The following BMAL1 variants were observed in gnomAD, a reference collection of about 807,000 sequenced individuals.
BMAL1 encodes the protein basic helix-loop-helix ARNT-like protein 1.
At chr11:13,306,338 G>T in the BMAL1 span, among the ~76,000 whole-genome samples, 1 of 152,184 alleles carries the variant, frequency 6.6e-6, no homozygotes, top group Non-Finnish European at 1.5e-5. Flanking sequence ...GGTCCTGGCC[G>T]TGACAGTAGA....
At chr11:13,385,303 C>G in the BMAL1 span, among the ~76,000 whole-genome samples, 1 of 152,210 alleles carries the variant, frequency 6.6e-6, no homozygotes, top group Non-Finnish European at 1.5e-5. Flanking sequence ...GTTAACTCCA[C>G]TTTTTCTTCT....
chr11:13,308,550 C>T, the BMAL1 span, among the ~76,000 whole-genome samples: 7 of 151,960 alleles, frequency 4.6e-5, no homozygotes, highest in Admixed American at 6.6e-5. Flanking sequence ...GTGAGGTGGG[C>T]GGAAAACCAG....
chr11:13,310,774 A>C, the BMAL1 span, among the ~76,000 whole-genome samples: 1 of 152,254 alleles, frequency 6.6e-6, no homozygotes, highest in Non-Finnish European at 1.5e-5. Flanking sequence ...GCTAAGGCAC[A>C]TAGACTTTAT....
chr11:13,351,846 GGAGA>G, the BMAL1 span, among the ~76,000 whole-genome samples: 1 of 152,198 alleles, frequency 6.6e-6, no homozygotes, highest in Non-Finnish European at 1.5e-5. Flanking sequence ...GGAATGATGG[GGAGA>G]GAATCTGTTT....
chr11:13,318,041 T>C, the BMAL1 span, among the ~76,000 whole-genome samples: 1 of 152,248 alleles, frequency 6.6e-6, no homozygotes, highest in Non-Finnish European at 1.5e-5. Context: ...CCTGGGCCCG[T>C]CTTCCTTGTG....
the BMAL1 span, among the ~76,000 whole-genome samples, chr11:13,295,677 C>T: frequency 2.0e-5 from 3 of 152,312 alleles, no homozygotes; most frequent in South Asian, 2.1e-4. Flanking sequence ...TCTGTACTTC[C>T]CCAGGTGAAT....
the BMAL1 span, among the ~76,000 whole-genome samples, chr11:13,314,036 G>C: frequency 6.6e-6 from 1 of 151,930 alleles, no homozygotes; most frequent in African/African-American, 2.4e-5. Context: ...ACCCTCTTGG[G>C]AACTCAACTC....
At chr11:13,367,968 C>T in the BMAL1 span, among the ~76,000 whole-genome samples, 6 of 152,308 alleles carry the variant, frequency 3.9e-5, no homozygotes, top group East Asian at 1.2e-3. Flanking sequence ...CCAAGCTGTC[C>T]ACGTTAATCC....
the BMAL1 span, among the ~76,000 whole-genome samples, chr11:13,357,901 C>T: frequency 6.6e-6 from 1 of 152,292 alleles, no homozygotes; most frequent in Non-Finnish European, 1.5e-5. The surrounding 1 kb of genome is among the most constrained non-coding windows in gnomAD (Gnocchi z 4.8). Context: ...ATCTGCTGCA[C>T]CTAGGTGGGG....
chr11:13,337,994 G>GA, the BMAL1 span, among the ~76,000 whole-genome samples: 3 of 151,662 alleles, frequency 2.0e-5, no homozygotes, highest in Admixed American at 6.6e-5. Context: ...TGACTAGCAT[G>GA]AAAAAAAAGC....
the BMAL1 span, among the ~76,000 whole-genome samples, chr11:13,294,612 C>G: frequency 2.0e-4 from 31 of 152,296 alleles, 1 homozygote; most frequent in East Asian, 5.8e-3. Context: ...TTCTGGAAAT[C>G]AAGAAACAAG....
chr11:13,321,165 T>C, the BMAL1 span, among the ~76,000 whole-genome samples: 1 of 152,356 alleles, frequency 6.6e-6, no homozygotes, highest in South Asian at 2.1e-4. Flanking sequence ...CTTTATACTT[T>C]AGTAAGTCCT....
the BMAL1 span, among the ~76,000 whole-genome samples, chr11:13,301,878 A>G: frequency 1.3e-5 from 2 of 152,252 alleles, no homozygotes; most frequent in African/African-American, 2.4e-5. Flanking sequence ...ATAGCAAGGA[A>G]TTAATTGCCC....
At chr11:13,371,991 G>A in the BMAL1 span, among the ~76,000 whole-genome samples, 1 of 152,164 alleles carries the variant, frequency 6.6e-6, no homozygotes, top group Non-Finnish European at 1.5e-5. Context: ...CTGGATGACA[G>A]TTTGTTTCTC....
At chr11:13,329,551 G>A in the BMAL1 span, among the ~76,000 whole-genome samples, 1 of 152,188 alleles carries the variant, frequency 6.6e-6, no homozygotes, top group African/African-American at 2.4e-5. Flanking sequence ...AGCCCATTTT[G>A]CTCCATTGCT....
the BMAL1 span, among the ~76,000 whole-genome samples, chr11:13,293,720 T>C: frequency 6.6e-6 from 1 of 152,252 alleles, no homozygotes; most frequent in Non-Finnish European, 1.5e-5. Flanking sequence ...AGCTCCTTAC[T>C]GGGTAGCACA....
At chr11:13,318,279 T>C in the BMAL1 span, among the ~76,000 whole-genome samples, 2 of 152,230 alleles carry the variant, frequency 1.3e-5, no homozygotes, top group Non-Finnish European at 2.9e-5. Flanking sequence ...ACTTGCTAAG[T>C]TGTCATTCTT....
chr11:13,364,440 G>A, the BMAL1 span, among the ~76,000 whole-genome samples: 1 of 152,286 alleles, frequency 6.6e-6, no homozygotes, highest in South Asian at 2.1e-4. Context: ...ACCACATCAT[G>A]AAGGCCCTTT....
the BMAL1 span, among the ~76,000 whole-genome samples, chr11:13,328,694 A>T: frequency 6.6e-6 from 1 of 152,240 alleles, no homozygotes; most frequent in Non-Finnish European, 1.5e-5. Context: ...CACAGATAAG[A>T]TTAGTTGATA....
Sources: gnomAD v4.1 joint callset for allele counts (sites outside exome capture counted in the v4.1 genomes callset) on GRCh38, gnomAD v4.1.1 for gene constraint, Gnocchi (gnomAD v3.1) non-coding constraint, MANE v1.5 for transcripts, NCBI Gene and HGNC (gene_info 2026-07-23, HGNC 2026-07-21) for gene names.